Variants in SLC10A7 observed in about 807,000 individuals in gnomAD.
SLC10A7 encodes sodium/bile acid cotransporter 7.
In SLC10A7, 29 loss-of-function variants were observed where a neutral mutation model predicts 43.2. The ratio of observed to expected loss-of-function variants is 0.67; its 90% CI spans 0.50 to 0.92. The LOEUF is 0.92. SLC10A7 is among the 40% of genes least tolerant of loss of function. SLC10A7 has a pLI of 0.00. For synonymous variants in SLC10A7, 152 were observed against 144.8 expected, an observed-to-expected ratio of 1.05 and a Z score of -0.35; for missense variants, 295 against 403.2, an observed-to-expected ratio of 0.73 and a Z score of 2.30.
chr4:146,313,429 C>G (rs1463907438), intron 6 of SLC10A7, among the ~76,000 whole-genome samples: 1 of 152,128 alleles, frequency 6.6e-6, no homozygotes, highest in Non-Finnish European at 1.5e-5. Flanking sequence ...TAGTCAGAAG[C>G]TACTCTTAGC....
chr4:146,444,190 T>C (rs1579201454), intron 4 of SLC10A7, among the ~76,000 whole-genome samples: 2 of 152,356 alleles, frequency 1.3e-5, no homozygotes, highest in East Asian at 3.9e-4. Context: ...TTAGTTGTGG[T>C]GACACCAACA....
intron 8 of SLC10A7, among the ~76,000 whole-genome samples, chr4:146,293,693 A>AC (rs1730591710): frequency 6.6e-6 from 1 of 152,168 alleles, no homozygotes; most frequent in Admixed American, 6.5e-5. Flanking sequence ...CCTGACATCA[A>AC]CTACTATAAA....
Position 146,325,824 on chromosome 4 carries a change from G to A in SLC10A7, c.471+137C>T, listed in dbSNP as rs112028240. On this transcript the variant is annotated intron_variant, in intron 6 of 11. Coordinates refer to ENST00000335472, the MANE Select transcript of SLC10A7 (RefSeq NM_001029998.6). ...TCTTCGTATCTGAATATTATTATGC[G>A]GTACAGCTAAACTGGAACAACAATT... 4.2e-3 allele frequency: 3,215 copies of A among 760,416 alleles called. 8 individuals carry two copies. Among genetic ancestry groups the A allele is most frequent in the Non-Finnish European group, 5.7e-3 (2,592 of 454,006 alleles). The allele number at this position is 760,416 out of a possible 1,614,324, so 47.1% of individuals were successfully genotyped here. A position where few individuals can be genotyped will look rare whatever the true frequency, so the allele number is the denominator to read the frequency against.
chr4:146,472,782 TTAATGTACCCAA>T (rs1733688678), intron 4 of SLC10A7, among the ~76,000 whole-genome samples: 1 of 152,232 alleles, frequency 6.6e-6, no homozygotes, highest in African/African-American at 2.4e-5. Context: ...CTATGTCTGT[TTAATGTACCCAA>T]TGCATTTCCT....
intron 5 of SLC10A7, among the ~76,000 whole-genome samples, chr4:146,342,446 G>GAAAT (rs1375465274): frequency 6.6e-6 from 1 of 151,478 alleles, no homozygotes; most frequent in Non-Finnish European, 1.5e-5. Flanking sequence ...AAAATAAGAA[G>GAAAT]AAATAAATAT....
At chr4:146,472,263 C>T (rs750982638) in intron 4 of SLC10A7, among the ~76,000 whole-genome samples, 3 of 152,002 alleles carry the variant, frequency 2.0e-5, no homozygotes, top group Non-Finnish European at 4.4e-5. Context: ...CTTCCATGTA[C>T]GGCATACATA....
At chr4:146,367,147 C>T (rs1396113424) in intron 5 of SLC10A7, among the ~76,000 whole-genome samples, 3 of 151,952 alleles carry the variant, frequency 2.0e-5, no homozygotes, top group African/African-American at 7.3e-5. Context: ...AGATGAATAC[C>T]AAAATTCTCA....
chr4:146,372,370 C>T (rs1016214300), intron 5 of SLC10A7, among the ~76,000 whole-genome samples: 3 of 150,934 alleles, frequency 2.0e-5, no homozygotes, highest in Non-Finnish European at 4.4e-5. Flanking sequence ...GGCAGGAACA[C>T]TTGAGCCTGG....
At chr4:146,285,313 T>C (rs7686137) in intron 9 of SLC10A7, among the ~76,000 whole-genome samples, 120,797 of 152,104 alleles carry the variant, frequency 0.79, 48,968 homozygotes, top group African/African-American at 0.95. Flanking sequence ...GCTCTAAGGG[T>C]CTAAAGAATC....
At chr4:146,297,658 T>G (rs1266033009) in intron 7 of SLC10A7, among the ~76,000 whole-genome samples, 1 of 152,236 alleles carries the variant, frequency 6.6e-6, no homozygotes, top group Non-Finnish European at 1.5e-5. Flanking sequence ...TATCCTCTAT[T>G]GCACTAAATC....
At chr4:146,501,307 T>A (rs962464618) in intron 4 of SLC10A7, among the ~76,000 whole-genome samples, 1 of 152,214 alleles carries the variant, frequency 6.6e-6, no homozygotes, top group African/African-American at 2.4e-5. Context: ...ATAATAGGCA[T>A]CTTAGTACAT....
At chr4:146,451,632 T>C (rs910537458) in intron 4 of SLC10A7, among the ~76,000 whole-genome samples, 1 of 152,106 alleles carries the variant, frequency 6.6e-6, no homozygotes, top group African/African-American at 2.4e-5. Flanking sequence ...AAAAACCACA[T>C]GATTACCTCA....
chr4:146,414,012 GAAGAGAAATTCAGA>G (rs894247289), intron 5 of SLC10A7, among the ~76,000 whole-genome samples: 12 of 152,276 alleles, frequency 7.9e-5, no homozygotes, highest in African/African-American at 2.9e-4. Context: ...TGAACTGCAG[GAAGAGAAATTCAGA>G]AAGACATGAA....
intron 5 of SLC10A7, among the ~76,000 whole-genome samples, chr4:146,383,932 A>G (rs1560856149): frequency 6.6e-6 from 1 of 152,198 alleles, no homozygotes; most frequent in Non-Finnish European, 1.5e-5. Context: ...ATCAGAAGTC[A>G]AAGAAACCAG....
chr4:146,461,327 A>G (rs1036821709), intron 4 of SLC10A7, among the ~76,000 whole-genome samples: 1 of 152,040 alleles, frequency 6.6e-6, no homozygotes, highest in African/African-American at 2.4e-5. Flanking sequence ...CAGTTTATTC[A>G]TTTCATTAAG....
intron 5 of SLC10A7, among the ~76,000 whole-genome samples, chr4:146,330,841 G>A (rs1733481942): frequency 6.6e-6 from 1 of 152,066 alleles, no homozygotes; most frequent in East Asian, 1.9e-4. Context: ...CAGGCAAACA[G>A]TGGTCTGGCT....
chr4:146,350,621 T>G (rs971904493), intron 5 of SLC10A7, among the ~76,000 whole-genome samples: 3 of 130,766 alleles, frequency 2.3e-5, no homozygotes, highest in African/African-American at 9.6e-5. Flanking sequence ...TCTGCAGACT[T>G]AAGTGTCCCT....
intron 6 of SLC10A7, among the ~76,000 whole-genome samples, chr4:146,313,176 G>A (rs1207480809): frequency 6.6e-6 from 1 of 152,166 alleles, no homozygotes; most frequent in Non-Finnish European, 1.5e-5. Context: ...CGCTTAAGGA[G>A]CACCCCCAGT....
intron 9 of SLC10A7, among the ~76,000 whole-genome samples, chr4:146,290,013 C>T (rs1373171580): frequency 6.7e-6 from 1 of 148,576 alleles, no homozygotes; most frequent in African/African-American, 2.4e-5. Context: ...CACACCCAGC[C>T]AGATTTTTTT....
Sources: allele counts gnomAD v4.1 joint callset (sites outside exome capture counted in the v4.1 genomes callset), GRCh38; gene constraint gnomAD v4.1.1; transcripts MANE v1.5; gene names NCBI Gene and HGNC (gene_info 2026-07-23, HGNC 2026-07-21).